The following WWOX variants were observed in gnomAD, a reference collection of about 807,000 sequenced individuals.
WWOX encodes WW domain containing oxidoreductase, also known as WW domain-containing oxidoreductase.
WWOX carries 69 observed loss-of-function variants against 46.2 expected under a neutral mutation model. The ratio of observed to expected loss-of-function variants is 1.49; its 90% CI spans 1.23 to 1.82. The LOEUF (loss-of-function observed/expected upper bound fraction) is 1.82, where lower values mean the gene tolerates loss of function less well. Ranked by LOEUF, WWOX falls within the 40% of genes most tolerant of loss-of-function variation. The pLI is 0.00. For synonymous variants in WWOX, 359 were observed against 202.6 expected, an observed-to-expected ratio of 1.77 and a Z score of -6.56; for missense variants, 919 against 542.6, an observed-to-expected ratio of 1.69 and a Z score of -6.89.
At chr16:79,184,576 A>T (rs1489801838) in intron 8 of WWOX, among the ~76,000 whole-genome samples, 1 of 152,140 alleles carries the variant, frequency 6.6e-6, no homozygotes, top group African/African-American at 2.4e-5. Context: ...CCCACTCTGC[A>T]ACTCTCCAAG....
chr16:78,335,022 A>C (rs2080855455), intron 5 of WWOX, among the ~76,000 whole-genome samples: 1 of 152,070 alleles, frequency 6.6e-6, no homozygotes, highest in Non-Finnish European at 1.5e-5. Context: ...CTGGACCTGC[A>C]GTGTCAGCAT....
Position 78,662,992 on chromosome 16 carries a change from G to GT in WWOX, c.1056+230246dup, listed in dbSNP as rs151232992. Reference sequence around the variant, plus strand: ...TTGGAAGTCACATCCTATCGCTTTGGTTTTTTGACTGAGATTATTCAGTAC... The same window carrying GT: ...TTGGAAGTCACATCCTATCGCTTTGGTTTTTTTGACTGAGATTATTCAGTAC... On this transcript the variant is annotated intron_variant, in intron 8 of 8. Transcript: ENST00000566780. 7.0e-3 allele frequency among the ~76,000 whole-genome samples: 1,059 copies of GT among 152,240 alleles called. 11 individuals carry two copies. The highest frequency in any genetic ancestry group is 0.011 in the Non-Finnish European group (769 of 68,024).
chr16:78,636,825 C>G (rs1270982490), intron 8 of WWOX, among the ~76,000 whole-genome samples: 2 of 152,170 alleles, frequency 1.3e-5, no homozygotes, highest in Non-Finnish European at 2.9e-5. Flanking sequence ...AATTTGGTTG[C>G]TCCTTCAGAT....
intron 8 of WWOX, among the ~76,000 whole-genome samples, chr16:78,832,528 C>G (rs992735959): frequency 1.3e-5 from 2 of 152,208 alleles, no homozygotes; most frequent in Non-Finnish European, 2.9e-5. Context: ...CCACCACACT[C>G]TGCCACTCCA....
intron 8 of WWOX, among the ~76,000 whole-genome samples, chr16:79,051,108 C>T (rs11648264): frequency 0.021 from 3,187 of 152,294 alleles, 50 homozygotes; most frequent in Non-Finnish European, 0.034. Flanking sequence ...ACAGGTGTGA[C>T]TGCAGCCCTA....
rs188100153 is a variant in WWOX at position 78,120,843 on chromosome 16, A to G, written c.409+5689A>G. Among the ~76,000 whole-genome samples the G allele has an allele frequency of 8.7e-4, 133 of 152,316 alleles. 1 individual carries two copies. The highest frequency in any genetic ancestry group is 3.4e-3 in the Middle Eastern group (1 of 294). On this transcript the variant is annotated intron_variant, in intron 4 of 8. Coordinates refer to ENST00000566780, the MANE Select transcript of WWOX (RefSeq NM_016373.4). ...ACTTTTTCTTCATGTAGAGAAGGGT[A>G]TTCATTCCTAAGATTTTAAATCCAC...
intron 8 of WWOX, among the ~76,000 whole-genome samples, chr16:78,853,943 T>C (rs1354471643): frequency 6.6e-6 from 1 of 152,216 alleles, no homozygotes; most frequent in Admixed American, 6.5e-5. Context: ...TACAAACATA[T>C]GCCTTTTTAT....
At chr16:78,620,937 T>C (rs2046165451) in intron 8 of WWOX, among the ~76,000 whole-genome samples, 1 of 152,230 alleles carries the variant, frequency 6.6e-6, no homozygotes, top group African/African-American at 2.4e-5. Flanking sequence ...CCAGATTGTG[T>C]TTCTGGAGAT....
At chr16:78,338,557 T>G (rs1319536314) in intron 5 of WWOX, among the ~76,000 whole-genome samples, 1 of 121,198 alleles carries the variant, frequency 8.3e-6, no homozygotes, top group Admixed American at 8.1e-5. Flanking sequence ...AGAGAATTGT[T>G]CAAGGCAGAG....
intron 8 of WWOX, among the ~76,000 whole-genome samples, chr16:79,210,719 G>C (rs1286214138): frequency 6.6e-6 from 1 of 151,326 alleles, no homozygotes; most frequent in Non-Finnish European, 1.5e-5. Context: ...TTTTAATTAT[G>C]GCTTGCAAAG....
At chr16:79,060,996 A>G (rs918846294) in intron 8 of WWOX, among the ~76,000 whole-genome samples, 1 of 152,244 alleles carries the variant, frequency 6.6e-6, no homozygotes, top group African/African-American at 2.4e-5. Flanking sequence ...TGAAGCTTGC[A>G]CAGCTAGTAA....
intron 8 of WWOX, among the ~76,000 whole-genome samples, chr16:78,673,917 C>A (rs1211560081): frequency 1.3e-5 from 2 of 152,222 alleles, no homozygotes; most frequent in East Asian, 3.9e-4. Context: ...ATTGGTTCAT[C>A]CCATTTGAGT....
intron 8 of WWOX, among the ~76,000 whole-genome samples, chr16:79,062,033 T>C (rs1416697569): frequency 6.6e-6 from 1 of 152,050 alleles, no homozygotes; most frequent in Non-Finnish European, 1.5e-5. Context: ...GAGAGTATGG[T>C]TTGTGATGCC....
chr16:78,749,012 C>T (rs769623915), intron 8 of WWOX, among the ~76,000 whole-genome samples: 4 of 152,234 alleles, frequency 2.6e-5, no homozygotes, highest in Non-Finnish European at 4.4e-5. Flanking sequence ...TTATTTGTAG[C>T]AGTGGGATCA....
chr16:79,014,914 G>C (rs1359868043), intron 8 of WWOX, among the ~76,000 whole-genome samples: 1 of 152,128 alleles, frequency 6.6e-6, no homozygotes, highest in East Asian at 1.9e-4. Flanking sequence ...GATACCTGTG[G>C]TGGCACCCAG....
At chr16:78,312,009 C>A (rs1045749003) in intron 5 of WWOX, among the ~76,000 whole-genome samples, 1 of 152,190 alleles carries the variant, frequency 6.6e-6, no homozygotes, top group Admixed American at 6.5e-5. Flanking sequence ...GCCCATGTTC[C>A]TCGATCCATG....
intron 5 of WWOX, among the ~76,000 whole-genome samples, chr16:78,256,215 C>A (rs1166837896): frequency 6.7e-6 from 1 of 150,036 alleles, no homozygotes; most frequent in Non-Finnish European, 1.5e-5. Context: ...ATGAAGTGAG[C>A]ACACTTCAGA....
At chr16:78,586,238 A>G (rs1271898674) in intron 8 of WWOX, among the ~76,000 whole-genome samples, 1 of 152,168 alleles carries the variant, frequency 6.6e-6, no homozygotes, top group Non-Finnish European at 1.5e-5. Context: ...TGGAAGTTGC[A>G]TTGAGCCAAG....
intron 8 of WWOX, among the ~76,000 whole-genome samples, chr16:78,957,740 G>T (rs2046197071): frequency 6.6e-6 from 1 of 152,114 alleles, no homozygotes; most frequent in South Asian, 2.1e-4. Context: ...CTTTTCTTTG[G>T]CAAACACCAT....
Sources: gnomAD v4.1 joint callset for allele counts (sites outside exome capture counted in the v4.1 genomes callset) on GRCh38, gnomAD v4.1.1 for gene constraint, MANE v1.5 for transcripts, NCBI Gene and HGNC (gene_info 2026-07-23, HGNC 2026-07-21) for gene names.